Variants in WDR44 observed in about 807,000 individuals in gnomAD.
WDR44 encodes the protein WD repeat-containing protein 44.
Under a neutral mutation model 65.7 loss-of-function variants are expected in WDR44, and 9 were observed. The ratio of observed to expected loss-of-function variants is 0.14; its 90% CI spans 0.08 to 0.24. The LOEUF is 0.24. Among genes scored for constraint, WDR44 ranks in the 10% least tolerant of loss-of-function variants. The pLI, the probability that WDR44 is intolerant of heterozygous loss-of-function variation, is 1.00. For synonymous variants in WDR44, 220 were observed against 235.2 expected, an observed-to-expected ratio of 0.94 and a Z score of 0.59; for missense variants, 425 against 670.9, an observed-to-expected ratio of 0.63 and a Z score of 4.05.
chrX:118,378,381 C>A (rs747034714), intron 1 of WDR44, 38 bp from the exon 2 acceptor site: 2 of 1,155,166 alleles, frequency 1.7e-6, no homozygotes, highest in Admixed American at 2.3e-5. Flanking sequence ...CTTCTCATCT[C>A]CTCTATTCAA....
At chrX:118,441,901 C>T (rs2057307559) in intron 15 of WDR44, among the ~76,000 whole-genome samples, 1 of 110,626 alleles carries the variant, frequency 9.0e-6, no homozygotes, top group Admixed American at 9.7e-5. Context: ...CCACCACACT[C>T]AGCTAATTTT....
intron 8 of WDR44, among the ~76,000 whole-genome samples, chrX:118,401,841 T>G (rs1203810541): frequency 9.4e-6 from 1 of 106,349 alleles, no homozygotes; most frequent in Non-Finnish European, 1.9e-5. Context: ...TTGAATTGAT[T>G]TTTGTATAAG....
chrX:118,449,150 C>A lies in WDR44; in HGVS notation c.*163C>A. On this transcript the variant is annotated 3_prime_UTR_variant, in exon 20 of 20. Transcript: ENST00000254029. ...TGTTAATGATCTAGGAAACCCTGGGCTGATAGAGTAGAAAGGAATATGGCT... is the reference window on the plus strand; with the variant it reads ...TGTTAATGATCTAGGAAACCCTGGGATGATAGAGTAGAAAGGAATATGGCT... 1 of 341,270 alleles carries A rather than the reference C, an allele frequency of 2.9e-6. No homozygotes were observed. Among genetic ancestry groups the A allele is most frequent in the Non-Finnish European group, 5.2e-6 (1 of 192,892 alleles). The allele number at this position is 341,270 out of a possible 1,213,427, so 28.1% of individuals were successfully genotyped here. A position where few individuals can be genotyped will look rare whatever the true frequency, so the allele number is the denominator to read the frequency against.
chrX:118,412,922 A>G (rs1028928696), intron 12 of WDR44, among the ~76,000 whole-genome samples: 1 of 111,610 alleles, frequency 9.0e-6, no homozygotes, highest in East Asian at 2.8e-4. Flanking sequence ...TTTAGCTCCC[A>G]CATATCAGTG....
chrX:118,444,930 T>C lies in WDR44; in HGVS notation c.2647+436T>C, dbSNP rs113097161. ...TTTGCAACTTAATGGTTGTCAGATA[T>C]CCATTTCTGAACTTTTCAGTAATAT... On this transcript the variant is annotated intron_variant, in intron 19 of 19. Transcript: ENST00000254029. 4.0e-3 allele frequency: 1,309 copies of C among 328,464 alleles called. 23 individuals are homozygous for C. The highest frequency in any genetic ancestry group is 0.032 in the African/African-American group (1,194 of 37,660). 27.1% of individuals were successfully genotyped at this position (328,464 alleles called of 1,213,427 possible).
intron 1 of WDR44, among the ~76,000 whole-genome samples, chrX:118,368,147 C>G (rs768278966): frequency 9.0e-6 from 1 of 111,107 alleles, no homozygotes; most frequent in Non-Finnish European, 1.9e-5. Context: ...CCTTTGCTTG[C>G]ATACTTGTGC....
chrX:118,421,484 A>G (rs2057104487), intron 12 of WDR44, among the ~76,000 whole-genome samples: 1 of 112,175 alleles, frequency 8.9e-6, no homozygotes, highest in African/African-American at 3.2e-5. Context: ...AGAGTTTGAC[A>G]CCAGAAATTA....
chrX:118,407,109 A>G (rs2056973660), intron 10 of WDR44, 83 bp downstream of exon 10: 12 of 993,294 alleles, frequency 1.2e-5, no homozygotes, highest in Non-Finnish European at 1.7e-5. Flanking sequence ...ATCTCTTTCT[A>G]TGTATGTAAC....
At chrX:118,427,680 A>G (rs2147739070) in intron 12 of WDR44, among the ~76,000 whole-genome samples, 1 of 95,828 alleles carries the variant, frequency 1.0e-5, no homozygotes, top group Non-Finnish European at 2.0e-5. Flanking sequence ...TGAGGGCAGG[A>G]ATCTTTTTTT....
chrX:118,439,373 C>G (rs191709146), intron 14 of WDR44, among the ~76,000 whole-genome samples: 1 of 107,283 alleles, frequency 9.3e-6, no homozygotes, highest in Non-Finnish European at 1.9e-5. Context: ...GTCAGGAGTT[C>G]AAGACCAGCC....
At chrX:118,387,203 AG>A (rs1197238832) in intron 2 of WDR44, 136 bp from the exon 3 acceptor site, 20 of 277,718 alleles carry the variant, frequency 7.2e-5, no homozygotes, top group South Asian at 2.4e-4. Context: ...AAAAAAAAAA[AG>A]AAGAAGAAGA....
intron 19 of WDR44, among the ~76,000 whole-genome samples, chrX:118,445,768 G>T (rs937863306): frequency 1.8e-5 from 2 of 111,959 alleles, no homozygotes; most frequent in Non-Finnish European, 3.8e-5. Flanking sequence ...GGTGGCTCAC[G>T]CCTGTAATCC....
intron 3 of WDR44, among the ~76,000 whole-genome samples, chrX:118,388,671 A>AT (rs2056792250): frequency 8.9e-6 from 1 of 111,871 alleles, no homozygotes; most frequent in African/African-American, 3.2e-5. Flanking sequence ...AGCAGTGTAC[A>AT]TAACAGGAAT....
intron 1 of WDR44, among the ~76,000 whole-genome samples, chrX:118,372,662 A>G (rs976993409): frequency 1.8e-5 from 2 of 112,435 alleles, no homozygotes; most frequent in African/African-American, 6.5e-5. Context: ...TAGGATCCCT[A>G]GATTCTCCCT....
intron 1 of WDR44, among the ~76,000 whole-genome samples, chrX:118,363,337 G>A: frequency 9.7e-6 from 1 of 103,263 alleles, no homozygotes; most frequent in Middle Eastern, 4.8e-3. Flanking sequence ...GGAGGTGGAG[G>A]TTGCAGTGAG....
intron 13 of WDR44, chrX:118,436,431 G>C (rs1260070727): frequency 2.8e-6 from 1 of 359,014 alleles, no homozygotes; most frequent in Non-Finnish European, 5.1e-6. Flanking sequence ...CTCTGCTGGT[G>C]CCTGGCAGAT....
intron 13 of WDR44, among the ~76,000 whole-genome samples, chrX:118,434,177 A>T (rs770290723): frequency 8.9e-6 from 1 of 112,257 alleles, no homozygotes; most frequent in Non-Finnish European, 1.9e-5. Context: ...CTTTATTTCC[A>T]TTCTATCTCT....
chrX:118,403,446 T>A (rs1046963238), intron 8 of WDR44, among the ~76,000 whole-genome samples: 1 of 111,697 alleles, frequency 9.0e-6, no homozygotes, highest in African/African-American at 3.3e-5. Flanking sequence ...GAGGTTTGCC[T>A]CATTAATTTT....
At chrX:118,392,536 G>T in intron 3 of WDR44, 96 bp from the exon 4 acceptor site, 2 of 712,169 alleles carry the variant, frequency 2.8e-6, no homozygotes, top group Non-Finnish European at 2.1e-6. Flanking sequence ...TAAGAACATT[G>T]CCTGGCACAT....
Sources: gnomAD v4.1 joint callset for allele counts (sites outside exome capture counted in the v4.1 genomes callset) on GRCh38, gnomAD v4.1.1 for gene constraint, MANE v1.5 for transcripts, NCBI Gene and HGNC (gene_info 2026-07-23, HGNC 2026-07-21) for gene names.